PRRC2C: variants seen among roughly 807,000 people sequenced by gnomAD.
The protein encoded by PRRC2C is protein PRRC2C.
PRRC2C carries 72 observed loss-of-function variants against 317.2 expected under a neutral mutation model. That is an observed-to-expected ratio of 0.23 (90% confidence interval 0.19 to 0.28). The LOEUF (loss-of-function observed/expected upper bound fraction) is 0.28. Ranked by LOEUF, PRRC2C falls within the 10% of genes least tolerant of loss-of-function variation. The pLI is 1.00. For missense variants in PRRC2C, 3,074 were observed against 3,459.7 expected (o/e 0.89, Z 2.80); for synonymous variants, 1,296 against 1,205.9 (o/e 1.07, Z -1.55).
Position 171,591,698 on chromosome 1 carries a change from A to C in PRRC2C, c.8548A>C (p.Lys2850Gln). ...KAQKVDSDSSKPPETLTDPPG... is the reference protein window; with the variant it reads ...KAQKVDSDSSQPPETLTDPPG... ...CCAGAAAGTGGACAGTGATTCAAGT[A>C]AACCTCCTGAAACACTGACCGACCC... Residue 2850 changes from lysine to glutamine, a missense_variant, in exon 35 of 35, where the codon AAA (lysine) becomes CAA (glutamine). By Grantham distance (53) the Lys-to-Gln change is moderately conservative (BLOSUM62 1). Around this residue, in one of 11 missense-constraint regions of PRRC2C, gnomAD observed 78 missense variants for 97.7 expected, o/e 0.80. Transcript: ENST00000647382. 1 of 1,613,942 alleles carries C rather than the reference A, an allele frequency of 6.2e-7. No homozygotes were observed. The highest frequency in any genetic ancestry group is 8.5e-7 in the Non-Finnish European group (1 of 1,179,880).
At chr1:171,505,663 G>C (rs1022975423) in intron 1 of PRRC2C, among the ~76,000 whole-genome samples, 1 of 152,148 alleles carries the variant, frequency 6.6e-6, no homozygotes, top group African/African-American at 2.4e-5. Context: ...TCATTGAAGG[G>C]AACAGAAGGG....
Position 171,571,310 on chromosome 1 carries a change from A to G in PRRC2C, c.6652-10A>G, listed in dbSNP as rs754856338. On this transcript the variant is annotated splice_polypyrimidine_tract_variant and intron_variant, in intron 23 of 34. Coordinates refer to ENST00000647382, the MANE Select transcript of PRRC2C (RefSeq NM_001387844.1). ...AGTTAGATTGTGATATGTGTTGCCT[A>G]CCTTTTCAGGTGCCCCTGCCCAACA... The G allele has an allele frequency of 5.2e-6, 8 of 1,538,028 alleles. No individual in the cohort carries two copies. Among genetic ancestry groups the G allele is most frequent in the Admixed American group, 5.0e-5 (3 of 59,666 alleles).
At chr1:171,495,021 T>G (rs889507396) in intron 1 of PRRC2C, among the ~76,000 whole-genome samples, 5 of 152,248 alleles carry the variant, frequency 3.3e-5, no homozygotes, top group Non-Finnish European at 2.9e-5. Flanking sequence ...AGTTTTAGTT[T>G]AATGTAACTT....
intron 17 of PRRC2C, among the ~76,000 whole-genome samples, chr1:171,546,440 G>A (rs1326081370): frequency 2.6e-5 from 4 of 152,182 alleles, no homozygotes; most frequent in Non-Finnish European, 5.9e-5. Context: ...ATATAGATGA[G>A]GTTTTTCTTT....
chr1:171,574,819 G>A, intron 24 of PRRC2C, 108 bp from the exon 25 acceptor site: 1 of 1,006,256 alleles, frequency 9.9e-7, no homozygotes. Flanking sequence ...GTGTGTGTGT[G>A]GTTTTTGAAA....
intron 1 of PRRC2C, among the ~76,000 whole-genome samples, chr1:171,507,414 C>T (rs1307651546): frequency 6.6e-6 from 1 of 152,074 alleles, no homozygotes; most frequent in Non-Finnish European, 1.5e-5. Flanking sequence ...AGTTCAAGAC[C>T]ACCCTGACCA....
At chr1:171,494,657 C>A (rs1273105815) in intron 1 of PRRC2C, among the ~76,000 whole-genome samples, 1 of 152,082 alleles carries the variant, frequency 6.6e-6, no homozygotes, top group African/African-American at 2.4e-5. Flanking sequence ...CCTTAACATT[C>A]ACAAAGCATA....
chr1:171,505,936 G>T (rs979480266), intron 1 of PRRC2C, among the ~76,000 whole-genome samples: 1 of 152,130 alleles, frequency 6.6e-6, no homozygotes, highest in East Asian at 1.9e-4. Flanking sequence ...TTTTGTTACC[G>T]TTGTGTACAG....
In PRRC2C at chr1:171,540,769, A is replaced by G. The variant is rs1268262884; in HGVS notation, c.3303A>G (p.Pro1101=). The G allele has an allele frequency of 2.5e-6, 4 of 1,613,812 alleles. No individual in the cohort carries two copies. The highest frequency in any genetic ancestry group is 2.7e-5 in the African/African-American group (2 of 74,910). The change falls in exon 16 of 35, where the codon CCA becomes CCG. Residue 1101 remains proline (P), a synonymous_variant. Coordinates refer to ENST00000647382, the MANE Select transcript of PRRC2C (RefSeq NM_001387844.1). ...AAACTGCAACTTTGGCTCAAAAACC[A>G]TCTCAGGATACTGAGAAGCCTCTGG... ...STETATLAQK[P]SQDTEKPLEP...
intron 1 of PRRC2C, among the ~76,000 whole-genome samples, chr1:171,487,821 A>T (rs1666406026): frequency 6.6e-6 from 1 of 152,228 alleles, no homozygotes; most frequent in Admixed American, 6.5e-5. Flanking sequence ...TCTTCCAAGC[A>T]ATAAATAATC....
intron 21 of PRRC2C, 82 bp from the exon 22 acceptor site, chr1:171,566,510 A>G: frequency 6.8e-7 from 1 of 1,480,976 alleles, no homozygotes; most frequent in Non-Finnish European, 9.0e-7. Flanking sequence ...CTTAATTTTA[A>G]TGAATATCTT....
chr1:171,530,553 T>C (rs1300063289), intron 11 of PRRC2C, among the ~76,000 whole-genome samples: 1 of 151,986 alleles, frequency 6.6e-6, no homozygotes, highest in African/African-American at 2.4e-5. Context: ...GCCTGGGCCG[T>C]ATTTTTATTT....
chr1:171,591,717 C>T lies in PRRC2C; in HGVS notation c.8567C>T (p.Thr2856Ile), dbSNP rs1309662747. The stretch of plus-strand genomic sequence containing the variant: ...TCAAGTAAACCTCCTGAAACACTGA[C>T]CGACCCTCCTGGGGTCTGTCAGGAA... ...SDSSKPPETLTDPPGVCQEKV... is the reference protein window; with the variant it reads ...SDSSKPPETLIDPPGVCQEKV... The change falls in exon 35 of 35, where the codon ACC becomes ATC. Residue 2856 changes from threonine (T) to isoleucine (I), a missense_variant. Physicochemically the swap from Thr to Ile is moderately conservative, Grantham distance 89. This residue lies in a region of PRRC2C where 78 missense variants were observed against 97.7 expected (regional missense o/e 0.80). Coordinates refer to ENST00000647382, the MANE Select transcript of PRRC2C (RefSeq NM_001387844.1). 6.2e-7 allele frequency: 1 copy of T among 1,613,920 alleles called. No individual in the cohort carries two copies. Among genetic ancestry groups the T allele is most frequent in the Admixed American group, 1.7e-5 (1 of 60,006 alleles).
At chr1:171,518,661 C>T (rs1294492832) in intron 6 of PRRC2C, among the ~76,000 whole-genome samples, 101 of 58,086 alleles carry the variant, frequency 1.7e-3, no homozygotes, top group Middle Eastern at 0.019. Context: ...CCACACCTGG[C>T]TTTTTTTTTT....
chr1:171,583,845 T>C (rs762949501), intron 28 of PRRC2C, 111 bp from the exon 29 acceptor site: 2 of 856,238 alleles, frequency 2.3e-6, no homozygotes, highest in Non-Finnish European at 3.6e-6. Context: ...TTGACTAAAA[T>C]GTCATGCAGC....
At position 171,540,937 on chromosome 1, in the gene PRRC2C, A is replaced by G; in HGVS notation, c.3471A>G (p.Ser1157=). The change falls in exon 16 of 35, where the codon TCA becomes TCG. Residue 1157 remains serine (S), a synonymous_variant. Transcript: ENST00000647382. ...DLVIERPRPD[S]RPAVKKESTL... The stretch of plus-strand genomic sequence containing the variant: ...TTATAGAGAGGCCTCGACCAGATTC[A>G]AGACCAGCAGTTAAAAAAGAATCAA... 6.2e-7 allele frequency: 1 copy of G among 1,613,924 alleles called. No individual in the cohort carries two copies. Among genetic ancestry groups the G allele is most frequent in the African/African-American group, 1.3e-5 (1 of 75,036 alleles).
intron 1 of PRRC2C, among the ~76,000 whole-genome samples, chr1:171,494,728 G>T (rs1367794500): frequency 1.3e-5 from 2 of 151,948 alleles, no homozygotes; most frequent in African/African-American, 4.8e-5. Context: ...TTCGCCTTCC[G>T]TGATCTACAC....
intron 4 of PRRC2C, 136 bp from the exon 5 acceptor site, chr1:171,515,598 A>T (rs1672213488): frequency 2.8e-6 from 2 of 704,354 alleles, no homozygotes; most frequent in Non-Finnish European, 4.4e-6. Context: ...TTTTAAAGTG[A>T]TATGGCTATG....
Position 171,591,928 on chromosome 1 carries a change from G to A in PRRC2C, c.*81G>A. The A allele has an allele frequency of 2.0e-6, 3 of 1,500,584 alleles. No individual in the cohort carries two copies. The highest frequency in any genetic ancestry group is 2.7e-6 in the Non-Finnish European group (3 of 1,111,864). 93.0% of individuals were successfully genotyped at this position (1,500,584 alleles called of 1,614,324 possible). A position where few individuals can be genotyped will look rare whatever the true frequency, so the allele number is the denominator to read the frequency against. ...AGTCAGATAATGCTGGCAGCCAAAG[G>A]GGCAAAATGGCCTGTGACATTATCC... On this transcript the variant is annotated 3_prime_UTR_variant, in exon 35 of 35. Transcript: ENST00000647382.
Sources: allele counts gnomAD v4.1 joint callset (sites outside exome capture counted in the v4.1 genomes callset), GRCh38; gene constraint gnomAD v4.1.1; regional missense constraint gnomAD v4.1.1; transcripts MANE v1.5; gene names NCBI Gene and HGNC (gene_info 2026-07-23, HGNC 2026-07-21).